Variants in CAST observed in about 807,000 individuals in gnomAD.
CAST encodes the protein MIR583 host.
Under a neutral mutation model 119.6 loss-of-function variants are expected in CAST, and 76 were observed. That is an observed-to-expected ratio of 0.64 (90% CI 0.53 to 0.77). CAST has a LOEUF of 0.77. Among genes scored for constraint, CAST ranks in the 30% least tolerant of loss-of-function variants. CAST has a pLI of 0.00. For synonymous variants in CAST, 319 were observed against 331.6 expected (o/e 0.96, Z 0.41); for missense variants, 953 against 946.5 (o/e 1.01, Z -0.09).
chr5:96,309,598 A>G, the CAST span, among the ~76,000 whole-genome samples: 1 of 152,208 alleles, frequency 6.6e-6, no homozygotes, highest in Non-Finnish European at 1.5e-5. Flanking sequence ...ACCGTAGGGA[A>G]TCTCCTGGTC....
At chr5:96,067,524 T>A in the CAST span, among the ~76,000 whole-genome samples, 1 of 152,190 alleles carries the variant, frequency 6.6e-6, no homozygotes, top group Non-Finnish European at 1.5e-5. Flanking sequence ...CTTTGAAATG[T>A]GAAGAATCAC....
intron 1 of CAST, among the ~76,000 whole-genome samples, chr5:96,673,011 GT>G: frequency 6.6e-6 from 1 of 152,326 alleles, no homozygotes; most frequent in Admixed American, 6.5e-5. Flanking sequence ...GTGAGACTCT[GT>G]GGAGAGCATG....
At chr5:96,043,902 G>A in the CAST span, among the ~76,000 whole-genome samples, 20 of 152,062 alleles carry the variant, frequency 1.3e-4, no homozygotes, top group African/African-American at 3.6e-4. Context: ...TGCAGGGAAG[G>A]CAAACAAAAG....
At chr5:96,690,457 T>G (rs1284647709) in intron 2 of CAST, among the ~76,000 whole-genome samples, 1 of 152,154 alleles carries the variant, frequency 6.6e-6, no homozygotes, top group African/African-American at 2.4e-5. Flanking sequence ...CTCGAACTCC[T>G]GACCTCAGGT....
At chr5:96,150,045 C>G in the CAST span, among the ~76,000 whole-genome samples, 6 of 152,008 alleles carry the variant, frequency 3.9e-5, no homozygotes, top group Non-Finnish European at 8.8e-5. Flanking sequence ...TGTTAAATAC[C>G]CACTGGGAGT....
the CAST span, among the ~76,000 whole-genome samples, chr5:96,109,641 A>G: frequency 7.9e-5 from 12 of 152,194 alleles, no homozygotes; most frequent in Non-Finnish European, 1.8e-4. Flanking sequence ...TGAAGAGTCA[A>G]GAGAGGTGGG....
the CAST span, among the ~76,000 whole-genome samples, chr5:96,479,303 T>C: frequency 2.0e-5 from 3 of 152,138 alleles, no homozygotes; most frequent in Admixed American, 6.5e-5. Flanking sequence ...ACAATCAACT[T>C]TTTGACACTA....
At chr5:96,352,986 C>A in the CAST span, among the ~76,000 whole-genome samples, 1 of 152,090 alleles carries the variant, frequency 6.6e-6, no homozygotes, top group African/African-American at 2.4e-5. Context: ...AACCTCTTTT[C>A]CTTATAAATT....
intron 1 of CAST, among the ~76,000 whole-genome samples, chr5:96,561,747 A>G (rs963882541): frequency 1.7e-4 from 25 of 144,780 alleles, no homozygotes; most frequent in Non-Finnish European, 3.2e-4. Context: ...AGAAGGATAT[A>G]TATGTCCATA....
chr5:96,240,160 C>T, the CAST span, among the ~76,000 whole-genome samples: 2 of 151,954 alleles, frequency 1.3e-5, no homozygotes, highest in Admixed American at 6.6e-5. Flanking sequence ...ATATTTTTGT[C>T]TTGCTGCTTA....
the CAST span, among the ~76,000 whole-genome samples, chr5:96,176,241 G>T: frequency 1.3e-5 from 2 of 152,218 alleles, no homozygotes; most frequent in Non-Finnish European, 2.9e-5. Flanking sequence ...TTTGCATTTG[G>T]CTGAAGTGTA....
the CAST span, among the ~76,000 whole-genome samples, chr5:96,486,924 A>G: frequency 6.6e-6 from 1 of 152,218 alleles, no homozygotes; most frequent in East Asian, 1.9e-4. Context: ...ATCTAAGAAA[A>G]AAAGCCAATC....
At chr5:96,606,499 G>A (rs2150195223) in intron 1 of CAST, among the ~76,000 whole-genome samples, 1 of 152,328 alleles carries the variant, frequency 6.6e-6, no homozygotes, top group Non-Finnish European at 1.5e-5. Context: ...CAGGCCTAGA[G>A]GAGGAACAGA....
At chr5:96,681,270 T>C (rs548710971) in intron 2 of CAST, among the ~76,000 whole-genome samples, 1 of 152,354 alleles carries the variant, frequency 6.6e-6, no homozygotes, top group Non-Finnish European at 1.5e-5. Flanking sequence ...TACAACATCC[T>C]TGGGTCACAG....
At chr5:95,975,127 A>G in the CAST span, among the ~76,000 whole-genome samples, 1 of 152,332 alleles carries the variant, frequency 6.6e-6, no homozygotes, top group South Asian at 2.1e-4. Context: ...ATCACTGCAT[A>G]TAAAGTCACA....
At position 96,663,103 on chromosome 5, in the gene CAST, C is replaced by G. The variant is rs1049046014; in HGVS notation, c.75+606C>G. The stretch of plus-strand genomic sequence containing the variant: ...ACACCCCGCGCCCTCGCCGGCTCCC[C>G]CGCCGTGCGGATCGGAGCCAGCCGG... On this transcript the variant is annotated intron_variant, in intron 1 of 31. Coordinates refer to ENST00000675179, the MANE Select transcript of CAST (RefSeq NM_001750.7). The G allele has an allele frequency of 7.1e-5, 50 of 702,346 alleles. No individual in the cohort carries two copies. The Admixed American group carries it at 9.4e-4, about 13-fold the overall frequency. 43.5% of individuals were successfully genotyped at this position (702,346 alleles called of 1,614,324 possible).
chr5:96,064,205 A>G, the CAST span, among the ~76,000 whole-genome samples: 1 of 151,926 alleles, frequency 6.6e-6, no homozygotes, highest in Non-Finnish European at 1.5e-5. Context: ...TTCTGCTTTG[A>G]CTCCAGTATT....
intron 19 of CAST, 130 bp from the exon 20 acceptor site, chr5:96,750,457 A>G (rs1764762185): frequency 7.8e-6 from 4 of 509,958 alleles, no homozygotes; most frequent in Non-Finnish European, 7.1e-6. Context: ...CTATTTAGCA[A>G]TCCTTAGGTA....
the CAST span, among the ~76,000 whole-genome samples, chr5:96,031,070 A>C: frequency 6.6e-6 from 1 of 152,096 alleles, no homozygotes; most frequent in African/African-American, 2.4e-5. Context: ...GTATCCCTAT[A>C]ACACAATGAA....
Sources: gnomAD v4.1 joint callset for allele counts (sites outside exome capture counted in the v4.1 genomes callset) on GRCh38, gnomAD v4.1.1 for gene constraint, MANE v1.5 for transcripts, NCBI Gene and HGNC (gene_info 2026-07-23, HGNC 2026-07-21) for gene names.